ZNF718: variants seen among roughly 807,000 people sequenced by gnomAD.
ZNF718 encodes the protein zinc finger protein 718.
Under a neutral mutation model 2.6 loss-of-function variants are expected in ZNF718, and 3 were observed. That is an observed-to-expected ratio of 1.16 (90% CI 0.53 to 3.01). The LOEUF (loss-of-function observed/expected upper bound fraction) is 3.01. ZNF718 is among the 30% of genes most tolerant of loss of function. ZNF718 has a pLI of 0.03. For missense variants in ZNF718, 468 were observed against 230.0 expected, an observed-to-expected ratio of 2.03 and a Z score of -6.69; for synonymous variants, 135 against 77.9, an observed-to-expected ratio of 1.73 and a Z score of -3.86.
At chr4:126,474 G>C (rs1553808039) in intron 1 of ZNF718, among the ~76,000 whole-genome samples, 1 of 152,224 alleles carries the variant, frequency 6.6e-6, no homozygotes, top group Non-Finnish European at 1.5e-5. Context: ...TGAATAGCAA[G>C]AATATATCCC....
At chr4:199,882 T>A (rs1310042294) in intron 3 of ZNF718, among the ~76,000 whole-genome samples, 1 of 152,186 alleles carries the variant, frequency 6.6e-6, no homozygotes, top group Non-Finnish European at 1.5e-5. Flanking sequence ...TTGTTTTTTC[T>A]TTTTCTAGAC....
chr4:180,445 G>A (rs9918012), intron 3 of ZNF718, among the ~76,000 whole-genome samples: 1,990 of 152,244 alleles, frequency 0.013, 49 homozygotes, highest in African/African-American at 0.046. Context: ...AAGGAGCCAG[G>A]GATCTCAGTA....
rs1716960291 is a variant in ZNF718, at chr4:162,874, A to G, written c.*752A>G. The G allele has an allele frequency of 6.6e-6, 1 of 152,216 alleles. No individual in the cohort carries two copies. The highest frequency in any genetic ancestry group is 1.5e-5 in the Non-Finnish European group (1 of 68,028). 9.4% of individuals were successfully genotyped at this position (152,216 alleles called of 1,614,324 possible). ...TCTGAAATTAAGACTAAATGTCAGAATATTTACAGTAGAAAGAAAAAGGCA... is the reference window on the plus strand; with the variant it reads ...TCTGAAATTAAGACTAAATGTCAGAGTATTTACAGTAGAAAGAAAAAGGCA... On this transcript the variant is annotated 3_prime_UTR_variant, in exon 4 of 4. Transcript: ENST00000510175.
At position 192,064 on chromosome 4, in the gene ZNF718, A is replaced by G. The variant is rs570129422; in HGVS notation, c.227-9017A>G. Among the ~76,000 whole-genome samples, 360 of 152,316 alleles carry G rather than the reference A, an allele frequency of 2.4e-3. 2 individuals carry two copies. The highest frequency in any genetic ancestry group is 7.8e-3 in the African/African-American group (325 of 41,578). ...GCCTCTAGCACAGTCAGGAGTGGCA[A>G]TGGGCACCTCACTGGATCAGAAGTG... On this transcript the variant is annotated intron_variant and NMD_transcript_variant, in intron 3 of 4. Transcript: ENST00000642529.
intron 3 of ZNF718, among the ~76,000 whole-genome samples, chr4:159,075 C>T (rs1484006913): frequency 3.5e-4 from 48 of 138,842 alleles, no homozygotes; most frequent in African/African-American, 1.2e-3. Flanking sequence ...CTTGTTTTGT[C>T]GCCCAGGCTA....
intron 3 of ZNF718, among the ~76,000 whole-genome samples, chr4:153,054 A>G (rs1389415597): frequency 6.6e-6 from 1 of 151,844 alleles, no homozygotes; most frequent in Non-Finnish European, 1.5e-5. Flanking sequence ...TTTCCCAAAC[A>G]TATAAATCTT....
At chr4:193,683 A>G (rs180934089) in intron 3 of ZNF718, among the ~76,000 whole-genome samples, 211 of 152,196 alleles carry the variant, frequency 1.4e-3, no homozygotes, top group African/African-American at 4.9e-3. Context: ...AGTAAGACTG[A>G]GAAGGCTGCA....
At chr4:178,641 A>G (rs190148432) in intron 3 of ZNF718, among the ~76,000 whole-genome samples, 125 of 152,318 alleles carry the variant, frequency 8.2e-4, no homozygotes, top group Admixed American at 2.9e-3. Context: ...TCTCCCAAAA[A>G]AATAATTTTG....
At chr4:138,226 C>A (rs1715658561) in intron 3 of ZNF718, among the ~76,000 whole-genome samples, 1 of 152,150 alleles carries the variant, frequency 6.6e-6, no homozygotes, top group Admixed American at 6.5e-5. Context: ...GCAACTGCTA[C>A]ATCTTACTCT....
intron 3 of ZNF718, among the ~76,000 whole-genome samples, chr4:188,771 G>A (rs1464645264): frequency 6.6e-6 from 1 of 152,146 alleles, no homozygotes; most frequent in African/African-American, 2.4e-5. Context: ...GTTTCCTAGG[G>A]TTGCAAATTC....
chr4:166,479 G>T (rs1389504825), downstream of ZNF718, among the ~76,000 whole-genome samples: 33 of 152,296 alleles, frequency 2.2e-4, no homozygotes, highest in East Asian at 1.7e-3. Flanking sequence ...GTGTAAAAGT[G>T]TTCCTATTTC....
intron 3 of ZNF718, among the ~76,000 whole-genome samples, chr4:157,593 A>G (rs947775232): frequency 6.6e-6 from 1 of 152,206 alleles, no homozygotes; most frequent in Non-Finnish European, 1.5e-5. Flanking sequence ...AATATTTCAA[A>G]CATTGAACAA....
At chr4:159,234 C>T (rs1716719443) in intron 3 of ZNF718, among the ~76,000 whole-genome samples, 1 of 152,000 alleles carries the variant, frequency 6.6e-6, no homozygotes, top group South Asian at 2.1e-4. Context: ...GACAGGGTTT[C>T]ACCATGTTGG....
At chr4:187,310 T>A (rs1553820594) in intron 3 of ZNF718, among the ~76,000 whole-genome samples, 1 of 151,882 alleles carries the variant, frequency 6.6e-6, no homozygotes, top group Non-Finnish European at 1.5e-5. Context: ...CACTGCAACC[T>A]CCACCTCCAG....
chr4:172,288 G>C (rs1458712481), intron 3 of ZNF718, among the ~76,000 whole-genome samples: 2 of 152,102 alleles, frequency 1.3e-5, no homozygotes, highest in African/African-American at 4.8e-5. Context: ...TGTTTCAAAT[G>C]ACAAGATTTT....
intron 3 of ZNF718, among the ~76,000 whole-genome samples, chr4:174,739 A>C (rs1231084703): frequency 6.6e-6 from 1 of 152,170 alleles, no homozygotes; most frequent in East Asian, 1.9e-4. Flanking sequence ...AATAGAAAAA[A>C]TTCAAGTAAT....
chr4:137,221 G>A (rs558320819), intron 3 of ZNF718, among the ~76,000 whole-genome samples: 15 of 151,784 alleles, frequency 9.9e-5, no homozygotes, highest in Non-Finnish European at 1.8e-4. Context: ...GCAGAACCAC[G>A]AGCCAATTAA....
chr4:162,205 A>G lies in ZNF718; in HGVS notation c.*83A>G. 1.7e-6 allele frequency: 1 copy of G among 588,540 alleles called. No individual in the cohort carries two copies. Among genetic ancestry groups the G allele is most frequent in the Non-Finnish European group, 3.1e-6 (1 of 322,718 alleles). The allele number at this position is 588,540 out of a possible 1,614,324, so 36.5% of individuals were successfully genotyped here. ...ATACTGGAGAGAAACTCTACACATG[A>G]AAAAATTGACAAAGCTTTTAACCGC... On this transcript the variant is annotated 3_prime_UTR_variant, in exon 4 of 4. Coordinates refer to ENST00000510175, the MANE Select transcript of ZNF718 (RefSeq NM_001039127.6).
chr4:178,139 T>C (rs1553819332), intron 3 of ZNF718, among the ~76,000 whole-genome samples: 2 of 144,458 alleles, frequency 1.4e-5, no homozygotes, highest in African/African-American at 5.0e-5. Flanking sequence ...TATGATAATT[T>C]CATTTTTTTT....
Sources: gnomAD v4.1 joint callset for allele counts (sites outside exome capture counted in the v4.1 genomes callset) on GRCh38, gnomAD v4.1.1 for gene constraint, MANE v1.5 for transcripts, NCBI Gene and HGNC (gene_info 2026-07-23, HGNC 2026-07-21) for gene names.